FER: variants seen among roughly 807,000 people sequenced by gnomAD.
FER encodes tyrosine-protein kinase Fer.
In FER, 63 loss-of-function variants were observed where a neutral mutation model predicts 111.0. The observed-to-expected ratio is 0.57, with a 90% CI of 0.46 to 0.70. The LOEUF (loss-of-function observed/expected upper bound fraction) is 0.70. FER is among the 30% of genes least tolerant of loss of function. The pLI is 0.00. For synonymous variants in FER, 327 were observed against 313.9 expected (o/e 1.04, Z -0.44); for missense variants, 914 against 954.0 (o/e 0.96, Z 0.55).
chr5:109,133,135 G>T (rs936082110), intron 17 of FER, among the ~76,000 whole-genome samples: 1 of 152,154 alleles, frequency 6.6e-6, no homozygotes, highest in Non-Finnish European at 1.5e-5. Context: ...TGGGCAGAGG[G>T]TTATCTAGCT....
At chr5:109,075,401 A>C (rs905701567) in intron 16 of FER, among the ~76,000 whole-genome samples, 10 of 151,624 alleles carry the variant, frequency 6.6e-5, no homozygotes, top group South Asian at 4.2e-4. Context: ...TTGGCTAAAA[A>C]TATCTTTGGA....
chr5:109,022,283 C>T (rs1458873852), intron 13 of FER, among the ~76,000 whole-genome samples: 3 of 151,840 alleles, frequency 2.0e-5, no homozygotes, highest in Admixed American at 6.6e-5. Flanking sequence ...GAAGGGTGGC[C>T]AATATATTTG....
At chr5:109,133,678 G>A (rs918244487) in intron 17 of FER, among the ~76,000 whole-genome samples, 3 of 152,054 alleles carry the variant, frequency 2.0e-5, no homozygotes, top group Non-Finnish European at 4.4e-5. Flanking sequence ...TTTGTTATCT[G>A]TATCTTCTCC....
At chr5:108,820,706 A>G (rs1446609306) in intron 3 of FER, among the ~76,000 whole-genome samples, 1 of 152,134 alleles carries the variant, frequency 6.6e-6, no homozygotes, top group Non-Finnish European at 1.5e-5. Context: ...CAATTATTTA[A>G]TTTGATTATA....
At chr5:109,130,444 T>C (rs1040374745) in intron 17 of FER, among the ~76,000 whole-genome samples, 3 of 152,112 alleles carry the variant, frequency 2.0e-5, no homozygotes, top group Non-Finnish European at 4.4e-5. Flanking sequence ...GTCCAAGATA[T>C]GTAGTATGAA....
intron 17 of FER, among the ~76,000 whole-genome samples, chr5:109,139,378 T>C (rs113126704): frequency 7.8e-6 from 1 of 127,794 alleles, no homozygotes; most frequent in Non-Finnish European, 1.6e-5. Flanking sequence ...TGAGGCAGAG[T>C]CTCGCTCTGT....
chr5:108,973,195 A>G (rs1561700776), intron 13 of FER, among the ~76,000 whole-genome samples: 1 of 152,192 alleles, frequency 6.6e-6, no homozygotes, highest in Admixed American at 6.5e-5. Flanking sequence ...AAGAACAGAC[A>G]TACTTGTTTT....
intron 12 of FER, among the ~76,000 whole-genome samples, chr5:108,956,638 ATC>A (rs1057079451): frequency 2.0e-5 from 3 of 151,752 alleles, no homozygotes; most frequent in Middle Eastern, 3.4e-3. Context: ...TTTTTCAAAT[ATC>A]TCTGTTAAAG....
At position 109,064,203 on chromosome 5, in the gene FER, G is replaced by C. The variant is rs565826568; in HGVS notation, c.1924+17005G>C. Among the ~76,000 whole-genome samples the C allele has an allele frequency of 2.6e-5, 4 of 152,210 alleles. No homozygotes were observed. The South Asian group carries it at 8.3e-4, about 32-fold the overall frequency. On this transcript the variant is annotated intron_variant, in intron 16 of 19. Coordinates refer to ENST00000281092, the MANE Select transcript of FER (RefSeq NM_005246.4). ...AAAGTCAGTAATATCCTTGTAAATTGGAGTTACTTTATTTAATTTACATGT... is the reference window on the plus strand; with the variant it reads ...AAAGTCAGTAATATCCTTGTAAATTCGAGTTACTTTATTTAATTTACATGT...
intron 5 of FER, among the ~76,000 whole-genome samples, chr5:108,843,826 T>C (rs1351166868): frequency 1.3e-5 from 2 of 152,044 alleles, no homozygotes; most frequent in African/African-American, 4.8e-5. Flanking sequence ...CATGCCTGGC[T>C]GAAAGTTGAA....
At chr5:108,825,793 T>C (rs896970842) in intron 3 of FER, among the ~76,000 whole-genome samples, 1 of 152,236 alleles carries the variant, frequency 6.6e-6, no homozygotes, top group Non-Finnish European at 1.5e-5. Context: ...GTCCATAAAA[T>C]CTTCATAATC....
chr5:109,011,977 G>A (rs1766333370), intron 13 of FER, among the ~76,000 whole-genome samples: 2 of 152,082 alleles, frequency 1.3e-5, no homozygotes, highest in Admixed American at 1.3e-4. Context: ...CTGGAGTATT[G>A]CCTTCTTGTG....
chr5:108,814,592 G>T (rs1758090653), intron 3 of FER, among the ~76,000 whole-genome samples: 1 of 152,200 alleles, frequency 6.6e-6, no homozygotes, highest in African/African-American at 2.4e-5. Context: ...AATTAGGAAT[G>T]CTTCTGTTCT....
chr5:108,758,574 A>G (rs1751376886), intron 1 of FER, among the ~76,000 whole-genome samples: 1 of 152,222 alleles, frequency 6.6e-6, no homozygotes, highest in African/African-American at 2.4e-5. Flanking sequence ...GAAGCCAAAC[A>G]TAAAGACTTC....
chr5:108,816,185 G>T (rs905493607), intron 3 of FER, among the ~76,000 whole-genome samples: 6 of 151,962 alleles, frequency 3.9e-5, no homozygotes, highest in African/African-American at 1.2e-4. Flanking sequence ...TGAGCTTAAC[G>T]TTAATTTTGC....
intron 8 of FER, among the ~76,000 whole-genome samples, chr5:108,881,870 A>G (rs1159488936): frequency 6.6e-6 from 1 of 152,018 alleles, no homozygotes; most frequent in Non-Finnish European, 1.5e-5. Context: ...ATACCATTAT[A>G]TTGGGGGTTA....
intron 3 of FER, chr5:108,820,171 C>T: frequency 1.0e-6 from 1 of 985,296 alleles, no homozygotes; most frequent in Non-Finnish European, 1.2e-6. Flanking sequence ...TTTTAACAGT[C>T]CTCTACTAGA....
rs79240052 is a variant in FER at position 109,079,587 on chromosome 5, C to T, written c.1925-20809C>T. 9.8e-3 allele frequency among the ~76,000 whole-genome samples: 1,484 copies of T among 152,144 alleles called. 18 individuals are homozygous for T. The highest frequency in any genetic ancestry group is 0.034 in the African/African-American group (1,415 of 41,496). ...TTAATAAAATATCTTCCCCTGTATGCACAGTTGGAAATCATACTAATGTTG... is the reference window on the plus strand; with the variant it reads ...TTAATAAAATATCTTCCCCTGTATGTACAGTTGGAAATCATACTAATGTTG... On this transcript the variant is annotated intron_variant, in intron 16 of 19. Transcript: ENST00000281092.
Position 109,051,692 on chromosome 5 carries a change from C to G in FER, c.1924+4494C>G, listed in dbSNP as rs1283188494. 19 of 1,564,036 alleles carry G rather than the reference C, an allele frequency of 1.2e-5. 1 individual carries two copies. The highest frequency in any genetic ancestry group is 2.7e-5 in the African/African-American group (2 of 73,820). ...TATTTTTGAGACCCACAGTCTTTGGCGGGGCTCAGCGGGCCAGTGGTCGCA... is the reference window on the plus strand; with the variant it reads ...TATTTTTGAGACCCACAGTCTTTGGGGGGGCTCAGCGGGCCAGTGGTCGCA... On this transcript the variant is annotated intron_variant, in intron 16 of 19. Coordinates refer to ENST00000281092, the MANE Select transcript of FER (RefSeq NM_005246.4).
Sources: gnomAD v4.1 joint callset for allele counts (sites outside exome capture counted in the v4.1 genomes callset) on GRCh38, gnomAD v4.1.1 for gene constraint, MANE v1.5 for transcripts, NCBI Gene and HGNC (gene_info 2026-07-23, HGNC 2026-07-21) for gene names.